HS6ST3: variants seen among roughly 807,000 people sequenced by gnomAD.
The protein encoded by HS6ST3 is heparan sulfate 6-O-sulfotransferase 3.
Under a neutral mutation model 36.7 loss-of-function variants are expected in HS6ST3, and 12 were observed. That is an observed-to-expected ratio of 0.33 (90% CI 0.21 to 0.53). The LOEUF (loss-of-function observed/expected upper bound fraction) is 0.53. Ranked by LOEUF, HS6ST3 falls within the 20% of genes least tolerant of loss-of-function variation. HS6ST3 has a pLI of 0.95. For synonymous variants in HS6ST3, 240 were observed against 257.5 expected (o/e 0.93, Z 0.65); for missense variants, 584 against 640.9 (o/e 0.91, Z 0.96).
At chr13:96,639,928 C>T (rs935107714) in intron 1 of HS6ST3, among the ~76,000 whole-genome samples, 16 of 151,922 alleles carry the variant, frequency 1.1e-4, no homozygotes, top group African/African-American at 1.4e-4. Context: ...TATTCCATGA[C>T]GTAAATGTAC....
chr13:96,241,844 G>T (rs1039977166), intron 1 of HS6ST3, among the ~76,000 whole-genome samples: 3 of 145,692 alleles, frequency 2.1e-5, no homozygotes, highest in African/African-American at 7.7e-5. Flanking sequence ...GGAGTGCAGT[G>T]GTGCGATCTA....
intron 1 of HS6ST3, among the ~76,000 whole-genome samples, chr13:96,665,515 T>A (rs1232350897): frequency 1.3e-5 from 2 of 152,060 alleles, no homozygotes; most frequent in Admixed American, 6.6e-5. Flanking sequence ...ACTGAAAAAA[T>A]TATATTTAAA....
rs1214578736 is a variant in HS6ST3 at position 96,211,550 on chromosome 13, T to TTAGAC, written c.707+119981_707+119982insTAGAC. Among the ~76,000 whole-genome samples, 11 of 152,380 alleles carry TTAGAC rather than the reference T, an allele frequency of 7.2e-5. No individual in the cohort carries two copies. In the East Asian group the frequency reaches 2.1e-3, roughly 29 times the overall value. On this transcript the variant is annotated intron_variant, in intron 1 of 1. Coordinates refer to ENST00000376705, the MANE Select transcript of HS6ST3 (RefSeq NM_153456.4). ...CCAATTTTCAGAGCACAGAGCTGTG[T>TTAGAC]ATTATCTAAATGTCTTTTATAATAT... is the stretch of plus-strand genomic sequence containing the variant.
At chr13:96,300,037 A>C (rs2054873855) in intron 1 of HS6ST3, among the ~76,000 whole-genome samples, 1 of 150,402 alleles carries the variant, frequency 6.6e-6, no homozygotes, top group Non-Finnish European at 1.5e-5. Context: ...GCGAAGGGAA[A>C]AGTGCTACAC....
At chr13:96,769,058 T>C (rs1292475621) in intron 1 of HS6ST3, among the ~76,000 whole-genome samples, 2 of 152,054 alleles carry the variant, frequency 1.3e-5, no homozygotes, top group African/African-American at 2.4e-5. Context: ...ATGGCCCACA[T>C]TGAAATCCCC....
intron 1 of HS6ST3, among the ~76,000 whole-genome samples, chr13:96,248,139 A>G (rs1164066747): frequency 6.6e-6 from 1 of 152,198 alleles, no homozygotes; most frequent in East Asian, 1.9e-4. Flanking sequence ...AAAGATTTGC[A>G]GACATTTTAA....
rs1043618847 is a variant in HS6ST3 at position 96,091,085 on chromosome 13, C to T, written c.223C>T (p.Pro75Ser). ...WERRPQLPPP[P>S]RGPPEGPRGA... ...GCGGCGGCCCCAGTTGCCCCCGCCG[C>T]CCCGGGGGCCCCCCGAGGGACCTCG... Residue 75 changes from proline to serine, a missense_variant, in exon 1 of 2, where the codon CCC becomes TCC. Physicochemically the swap from Pro to Ser is moderately conservative, Grantham distance 74. Transcript: ENST00000376705. The T allele has an allele frequency of 2.8e-5, 36 of 1,299,620 alleles. No homozygotes were observed. The African/African-American group carries it at 5.3e-4, about 19-fold the overall frequency. 80.5% of individuals were successfully genotyped at this position (1,299,620 alleles called of 1,614,324 possible).
At chr13:96,554,872 C>A (rs1217297192) in intron 1 of HS6ST3, among the ~76,000 whole-genome samples, 1 of 151,786 alleles carries the variant, frequency 6.6e-6, no homozygotes, top group East Asian at 2.0e-4. Flanking sequence ...AGTTTGAGAC[C>A]AACTCCTGGG....
At chr13:96,653,990 G>A (rs1273343185) in intron 1 of HS6ST3, among the ~76,000 whole-genome samples, 1 of 152,136 alleles carries the variant, frequency 6.6e-6, no homozygotes, top group Non-Finnish European at 1.5e-5. Flanking sequence ...ATGTTTGTTG[G>A]CCACATAAAT....
intron 1 of HS6ST3, among the ~76,000 whole-genome samples, chr13:96,376,156 T>A (rs2055313744): frequency 6.6e-6 from 1 of 152,138 alleles, no homozygotes; most frequent in Admixed American, 6.5e-5. Flanking sequence ...GATAATAATA[T>A]CCTAGGGACT....
intron 1 of HS6ST3, among the ~76,000 whole-genome samples, chr13:96,345,541 CATTT>C (rs2055149742): frequency 6.6e-6 from 1 of 152,162 alleles, no homozygotes; most frequent in Non-Finnish European, 1.5e-5. Flanking sequence ...CTACCATTTA[CATTT>C]TCTACTGTGT....
chr13:96,267,933 C>T (rs2054700677), intron 1 of HS6ST3, among the ~76,000 whole-genome samples: 1 of 151,910 alleles, frequency 6.6e-6, no homozygotes, highest in African/African-American at 2.4e-5. Flanking sequence ...GGCCTCTTCT[C>T]ATGACTTGTA....
intron 1 of HS6ST3, among the ~76,000 whole-genome samples, chr13:96,319,317 C>G (rs2054992142): frequency 6.6e-6 from 1 of 152,184 alleles, no homozygotes; most frequent in South Asian, 2.1e-4. Flanking sequence ...CATGCTCTAG[C>G]TTATAACGGC....
At chr13:96,799,968 A>ATATATATATGTGTG (rs1878012834) in intron 1 of HS6ST3, among the ~76,000 whole-genome samples, 2 of 69,550 alleles carry the variant, frequency 2.9e-5, no homozygotes, top group Non-Finnish European at 5.3e-5. Context: ...ATATATGTGT[A>ATATATATATGTGTG]TATATATATA....
At chr13:96,524,639 C>A (rs1258449633) in intron 1 of HS6ST3, among the ~76,000 whole-genome samples, 1 of 152,236 alleles carries the variant, frequency 6.6e-6, no homozygotes, top group Non-Finnish European at 1.5e-5. Flanking sequence ...TCTCAGACTG[C>A]TGCGCTAACA....
At chr13:96,422,198 G>A (rs139316026) in intron 1 of HS6ST3, among the ~76,000 whole-genome samples, 7 of 152,282 alleles carry the variant, frequency 4.6e-5, no homozygotes, top group South Asian at 2.1e-4. Context: ...TTAGCACATC[G>A]CATTGCAAAC....
chr13:96,237,746 A>G (rs1230598957), intron 1 of HS6ST3, among the ~76,000 whole-genome samples: 1 of 152,240 alleles, frequency 6.6e-6, no homozygotes, highest in Non-Finnish European at 1.5e-5. Context: ...TTCGGTGGAC[A>G]CATCTTTGTC....
At chr13:96,162,208 T>A (rs1258641835) in intron 1 of HS6ST3, among the ~76,000 whole-genome samples, 1 of 152,144 alleles carries the variant, frequency 6.6e-6, no homozygotes, top group Non-Finnish European at 1.5e-5. Context: ...TTAAGTGACG[T>A]GGTAGACGGA....
At chr13:96,799,950 A>ATATATATATG (rs1566456750) in intron 1 of HS6ST3, among the ~76,000 whole-genome samples, 6 of 85,694 alleles carry the variant, frequency 7.0e-5, no homozygotes, top group South Asian at 5.7e-4. Context: ...GTGTGTATAT[A>ATATATATATG]TATATATATA....
Sources: gnomAD v4.1 joint callset for allele counts (sites outside exome capture counted in the v4.1 genomes callset) on GRCh38, gnomAD v4.1.1 for gene constraint, MANE v1.5 for transcripts, NCBI Gene and HGNC (gene_info 2026-07-23, HGNC 2026-07-21) for gene names.